MGMT: variants seen among roughly 807,000 people sequenced by gnomAD.
MGMT encodes methylated-DNA--protein-cysteine methyltransferase.
A neutral mutation model predicts 15.9 loss-of-function variants in MGMT; 14 were observed. The observed-to-expected ratio is 0.88, with a 90% CI of 0.58 to 1.37. The LOEUF (loss-of-function observed/expected upper bound fraction) is 1.37. Ranked by LOEUF, MGMT falls within the 40% of genes most tolerant of loss-of-function variation. MGMT has a pLI of 0.00. For synonymous variants in MGMT, 130 were observed against 118.2 expected, an observed-to-expected ratio of 1.10 and a Z score of -0.65; for missense variants, 282 against 268.1, an observed-to-expected ratio of 1.05 and a Z score of -0.36.
intron 4 of MGMT, among the ~76,000 whole-genome samples, chr10:129,764,823 A>G (rs1442459077): frequency 6.6e-6 from 1 of 152,188 alleles, no homozygotes; most frequent in Admixed American, 6.5e-5. Context: ...GGAGCAGGGC[A>G]GCCATGTGTG....
At chr10:129,757,105 A>C (rs1848816126) in intron 3 of MGMT, among the ~76,000 whole-genome samples, 1 of 152,206 alleles carries the variant, frequency 6.6e-6, no homozygotes, top group East Asian at 1.9e-4. Context: ...CTGATTGCTA[A>C]ATACTACATT....
At chr10:129,618,122 A>G (rs1161855925) in intron 2 of MGMT, among the ~76,000 whole-genome samples, 1 of 152,124 alleles carries the variant, frequency 6.6e-6, no homozygotes, top group Non-Finnish European at 1.5e-5. Context: ...TGGGATGGAA[A>G]AGGAAAAGAA....
intron 2 of MGMT, among the ~76,000 whole-genome samples, chr10:129,609,907 G>A (rs1344953516): frequency 6.6e-6 from 1 of 152,162 alleles, no homozygotes; most frequent in Non-Finnish European, 1.5e-5. Context: ...CGGGAGCTTG[G>A]CAGCAGAAAG....
At chr10:129,525,286 A>C (rs2119735277) in intron 1 of MGMT, among the ~76,000 whole-genome samples, 1 of 152,322 alleles carries the variant, frequency 6.6e-6, no homozygotes, top group Middle Eastern at 3.4e-3. Flanking sequence ...CAGAAAAGAA[A>C]ACCAGATTTT....
chr10:129,639,466 A>G (rs1389766278), intron 2 of MGMT, among the ~76,000 whole-genome samples: 1 of 152,208 alleles, frequency 6.6e-6, no homozygotes, highest in Non-Finnish European at 1.5e-5. Flanking sequence ...TCCTAAAATC[A>G]GTAAGGATAT....
At chr10:129,680,242 G>A (rs890304593) in intron 2 of MGMT, among the ~76,000 whole-genome samples, 3 of 152,184 alleles carry the variant, frequency 2.0e-5, no homozygotes, top group African/African-American at 7.2e-5. Context: ...TACAAGCTGA[G>A]GAAAGCCAAG....
chr10:129,601,595 C>G (rs1238883538), intron 2 of MGMT, among the ~76,000 whole-genome samples: 1 of 152,148 alleles, frequency 6.6e-6, no homozygotes, highest in Non-Finnish European at 1.5e-5. Flanking sequence ...AGCACCACCT[C>G]GAGATCGATT....
intron 2 of MGMT, among the ~76,000 whole-genome samples, chr10:129,603,590 G>A (rs577279988): frequency 1.1e-4 from 17 of 152,250 alleles, no homozygotes; most frequent in African/African-American, 3.6e-4. Context: ...GATTTTATTT[G>A]CAAGCCAGAT....
intron 3 of MGMT, among the ~76,000 whole-genome samples, chr10:129,725,003 G>T (rs74160276): frequency 6.6e-6 from 1 of 152,194 alleles, no homozygotes; most frequent in Non-Finnish European, 1.5e-5. Flanking sequence ...TGAATTGTCA[G>T]TGGACCTCCC....
intron 2 of MGMT, among the ~76,000 whole-genome samples, chr10:129,547,847 A>G (rs564580491): frequency 9.2e-5 from 14 of 152,304 alleles, no homozygotes; most frequent in African/African-American, 2.4e-4. Flanking sequence ...TCTTCTAAAC[A>G]GATCTGCACT....
At chr10:129,765,459 C>G (rs1289657367) in intron 4 of MGMT, among the ~76,000 whole-genome samples, 1 of 152,210 alleles carries the variant, frequency 6.6e-6, no homozygotes, top group African/African-American at 2.4e-5. Context: ...CAGAGAGATG[C>G]CCATATGTTA....
intron 3 of MGMT, among the ~76,000 whole-genome samples, chr10:129,742,754 A>G (rs1438973074): frequency 1.3e-5 from 2 of 151,302 alleles, no homozygotes; most frequent in Non-Finnish European, 2.9e-5. Flanking sequence ...GCTCAGAGCC[A>G]GGTCATCAGG....
chr10:129,664,667 G>A (rs988225500), intron 2 of MGMT, among the ~76,000 whole-genome samples: 1 of 152,130 alleles, frequency 6.6e-6, no homozygotes, highest in African/African-American at 2.4e-5. Context: ...CAGGATGGGG[G>A]CAGCAAAGAC....
chr10:129,486,392 T>C (rs965512341), intron 1 of MGMT, among the ~76,000 whole-genome samples: 6 of 152,136 alleles, frequency 3.9e-5, no homozygotes, highest in East Asian at 1.9e-4. Flanking sequence ...TTTTGCCACG[T>C]TGGCCAGGCT....
chr10:129,545,058 G>A (rs555117721), intron 2 of MGMT, among the ~76,000 whole-genome samples: 9 of 152,266 alleles, frequency 5.9e-5, no homozygotes, highest in South Asian at 2.1e-4. Flanking sequence ...ACTGCACTTC[G>A]TCCTTGGGAC....
At chr10:129,651,471 G>GT (rs1483099284) in intron 2 of MGMT, among the ~76,000 whole-genome samples, 1 of 151,844 alleles carries the variant, frequency 6.6e-6, no homozygotes, top group Non-Finnish European at 1.5e-5. Flanking sequence ...AGTATTACAT[G>GT]TTTTTTACTA....
At position 129,764,703 on chromosome 10, in the gene MGMT, C is replaced by T. The variant is rs192709645; in HGVS notation, c.415-2085C>T. On this transcript the variant is annotated intron_variant, in intron 4 of 4. Transcript: ENST00000651593. ...CTGGAGAGAAAAAGAAGAGTGGAGT[C>T]GGAGTGATACCCGGGGGTACCCGGA... Among the ~76,000 whole-genome samples the T allele has an allele frequency of 1.9e-3, 283 of 152,314 alleles. 2 individuals carry two copies. The highest frequency in any genetic ancestry group is 6.2e-3 in the East Asian group (32 of 5,170).
At position 129,574,726 on chromosome 10, in the gene MGMT, GCATTCCTT is replaced by G. The variant is rs1846459582; in HGVS notation, c.125+38350_125+38357del. ...GGCTTGATCAGGGTTAAATACTCCA[GCATTCCTT>G]GGAAAACACTTCTGTGAGCATTGTC... On this transcript the variant is annotated intron_variant, in intron 2 of 4. Coordinates refer to ENST00000651593, the MANE Select transcript of MGMT (RefSeq NM_002412.5). 1.3e-5 allele frequency among the ~76,000 whole-genome samples: 2 copies of G among 152,174 alleles called. 1 individual carries two copies. The highest frequency in any genetic ancestry group is 2.9e-5 in the Non-Finnish European group (2 of 68,022).
At chr10:129,585,078 T>A (rs770625040) in intron 2 of MGMT, among the ~76,000 whole-genome samples, 1 of 152,202 alleles carries the variant, frequency 6.6e-6, no homozygotes, top group Non-Finnish European at 1.5e-5. Context: ...CTGCCCCATT[T>A]TACATTCCTG....
Sources: gnomAD v4.1 joint callset for allele counts (sites outside exome capture counted in the v4.1 genomes callset) on GRCh38, gnomAD v4.1.1 for gene constraint, MANE v1.5 for transcripts, NCBI Gene and HGNC (gene_info 2026-07-23, HGNC 2026-07-21) for gene names.